ATP2B2: variants seen among roughly 807,000 people sequenced by gnomAD.
ATP2B2 encodes the protein plasma membrane calcium-transporting ATPase 2.
A neutral mutation model predicts 120.0 loss-of-function variants in ATP2B2; 15 were observed. That is an observed-to-expected ratio of 0.12 (90% CI 0.08 to 0.19). The LOEUF is 0.19. ATP2B2 is among the 10% of genes least tolerant of loss of function. ATP2B2 has a pLI of 1.00. For missense variants in ATP2B2, 1,045 were observed against 1,719.8 expected (o/e 0.61, Z 6.94); for synonymous variants, 694 against 700.3 (o/e 0.99, Z 0.14).
intron 1 of ATP2B2, among the ~76,000 whole-genome samples, chr3:10,696,007 A>C (rs1216784384): frequency 6.6e-6 from 1 of 151,962 alleles, no homozygotes; most frequent in African/African-American, 2.4e-5. Flanking sequence ...CCAGCCACCC[A>C]CTCTGAGTAA....
At chr3:10,383,711 A>G (rs550455888) in intron 8 of ATP2B2, among the ~76,000 whole-genome samples, 19 of 152,352 alleles carry the variant, frequency 1.2e-4, no homozygotes, top group Admixed American at 1.3e-4. Context: ...TGGGGGTGTC[A>G]TGAGGATTAA....
chr3:10,350,194 C>T lies in ATP2B2; in HGVS notation c.2322G>A (p.Glu774=). Residue 774 remains glutamate (E), a synonymous_variant, in exon 16 of 23, where the codon GAG becomes GAA. Transcript: ENST00000360273. ...RRIRNEKGEI[E]QERIDKIWPK... is the part of the protein sequence containing the mutation. The stretch of plus-strand genomic sequence containing the variant: ...GCCAGATCTTGTCAATTCGCTCCTG[C>T]TCAATCTGGAGAGGGATGGGGAAGG... The T allele has an allele frequency of 2.6e-6, 4 of 1,533,768 alleles. No homozygotes were observed. The highest frequency in any genetic ancestry group is 1.4e-5 in the African/African-American group (1 of 72,050).
chr3:10,544,490 C>T (rs146315315), intron 2 of ATP2B2, among the ~76,000 whole-genome samples: 144 of 152,354 alleles, frequency 9.5e-4, no homozygotes, highest in African/African-American at 3.0e-3. Context: ...TGAAAGAGAA[C>T]TGGAAATGGA....
chr3:10,526,186 C>G (rs904313193), intron 3 of ATP2B2, among the ~76,000 whole-genome samples: 4 of 152,240 alleles, frequency 2.6e-5, no homozygotes, highest in African/African-American at 9.6e-5. Context: ...CTTCTCCTCT[C>G]TCCTCTGCCT....
intron 16 of ATP2B2, among the ~76,000 whole-genome samples, chr3:10,348,408 C>T (rs1206630266): frequency 6.6e-6 from 1 of 152,216 alleles, no homozygotes; most frequent in African/African-American, 2.4e-5. Context: ...GATGCTTCTA[C>T]CCTCTAAACC....
In ATP2B2 at chr3:10,523,512, G is replaced by T. The variant is rs144539500; in HGVS notation, c.-320+10527C>A. Among the ~76,000 whole-genome samples the T allele has an allele frequency of 1.8e-3, 268 of 152,344 alleles. 2 individuals carry two copies. The highest frequency in any genetic ancestry group is 3.4e-3 in the Middle Eastern group (1 of 294). On this transcript the variant is annotated intron_variant, in intron 3 of 21. Transcript: ENST00000646379. Reference sequence around the variant, plus strand: ...TCCTGGTGCCCAGCCTGCTGGGCCAGGGCTAGAAGTGAAGTTGGGTTCCAT... The same window carrying T: ...TCCTGGTGCCCAGCCTGCTGGGCCATGGCTAGAAGTGAAGTTGGGTTCCAT...
intron 2 of ATP2B2, among the ~76,000 whole-genome samples, chr3:10,422,063 T>C (rs992078030): frequency 3.9e-5 from 6 of 152,182 alleles, no homozygotes; most frequent in African/African-American, 1.4e-4. Flanking sequence ...ACCCACCCTT[T>C]GCCACTACTG....
chr3:10,330,398 C>T (rs1188610635), intron 22 of ATP2B2: 1 of 152,946 alleles, frequency 6.5e-6, no homozygotes, highest in Non-Finnish European at 1.5e-5. Flanking sequence ...GGGACCCTCA[C>T]TTGGAAGAGA....
chr3:10,483,921 G>C (rs1252611685), intron 1 of ATP2B2, among the ~76,000 whole-genome samples: 1 of 102,674 alleles, frequency 9.7e-6, no homozygotes, highest in Non-Finnish European at 2.2e-5. Context: ...AGGGATCAAG[G>C]CGGTCCAGGG....
Position 10,360,052 on chromosome 3 carries a change from C to T in ATP2B2, c.1731G>A (p.Val577=), listed in dbSNP as rs1483095548. The part of the protein sequence containing the change: ...NKTECGLLGF[V]LDLKQDYEPV... ...GCTCGTAGTCCTGCTTCAGGTCCAG[C>T]ACGAAGCCCAGCAGGCCGCACTCCG... Residue 577 remains valine (V), a synonymous_variant, in exon 13 of 23, where the codon GTG becomes GTA. Coordinates refer to ENST00000360273, the MANE Select transcript of ATP2B2 (RefSeq NM_001001331.4). The T allele has an allele frequency of 6.2e-7, 1 of 1,612,700 alleles. No homozygotes were observed. Among genetic ancestry groups the T allele is most frequent in the Non-Finnish European group, 8.5e-7 (1 of 1,178,830 alleles).
At chr3:10,531,229 C>G (rs2067203526) in intron 3 of ATP2B2, among the ~76,000 whole-genome samples, 1 of 152,212 alleles carries the variant, frequency 6.6e-6, no homozygotes, top group Non-Finnish European at 1.5e-5. Context: ...CAGCCCAGGC[C>G]TGCCCCAAAA....
At chr3:10,620,000 C>T (rs1418248740) in intron 1 of ATP2B2, 1 of 152,286 alleles carries the variant, frequency 6.6e-6, no homozygotes, top group Non-Finnish European at 1.5e-5. Flanking sequence ...GTTAAGGGGG[C>T]TTGTATTTTC....
At chr3:10,469,360 G>C (rs1412188996) in intron 1 of ATP2B2, among the ~76,000 whole-genome samples, 1 of 152,248 alleles carries the variant, frequency 6.6e-6, no homozygotes, top group Non-Finnish European at 1.5e-5. Flanking sequence ...CAAGTAACTT[G>C]CCCAAGGTCA....
intron 1 of ATP2B2, among the ~76,000 whole-genome samples, chr3:10,686,549 G>C (rs1212579760): frequency 6.6e-6 from 1 of 152,038 alleles, no homozygotes; most frequent in Admixed American, 6.5e-5. Context: ...AGCTACTCGG[G>C]AGGCTGAGGC....
chr3:10,631,118 T>A (rs1395564217), intron 1 of ATP2B2, among the ~76,000 whole-genome samples: 2 of 152,232 alleles, frequency 1.3e-5, no homozygotes, highest in Non-Finnish European at 2.9e-5. Flanking sequence ...AATTTCTTTA[T>A]CTGTAAATCT....
At chr3:10,472,491 C>T (rs1316656006) in intron 1 of ATP2B2, among the ~76,000 whole-genome samples, 2 of 152,216 alleles carry the variant, frequency 1.3e-5, no homozygotes, top group African/African-American at 2.4e-5. Context: ...GCTCCTGAGG[C>T]TTGCGGGGCT....
intron 3 of ATP2B2, among the ~76,000 whole-genome samples, chr3:10,406,472 G>A (rs1309189625): frequency 6.6e-6 from 1 of 152,156 alleles, no homozygotes; most frequent in East Asian, 1.9e-4. Context: ...CATTTCTACT[G>A]TACCTTCTCT....
At chr3:10,501,683 A>C (rs1394450903) in intron 1 of ATP2B2, among the ~76,000 whole-genome samples, 1 of 152,132 alleles carries the variant, frequency 6.6e-6, no homozygotes, top group Non-Finnish European at 1.5e-5. Context: ...GGGTGAAGCC[A>C]GGGGCTAGGG....
chr3:10,460,284 G>A (rs2064433007), intron 1 of ATP2B2, among the ~76,000 whole-genome samples: 1 of 152,200 alleles, frequency 6.6e-6, no homozygotes, highest in Non-Finnish European at 1.5e-5. Flanking sequence ...GTACCCCTGG[G>A]GAGGACAAAG....
Sources: allele counts gnomAD v4.1 joint callset (sites outside exome capture counted in the v4.1 genomes callset), GRCh38; gene constraint gnomAD v4.1.1; transcripts MANE v1.5; gene names NCBI Gene and HGNC (gene_info 2026-07-23, HGNC 2026-07-21).